Variants in PRKAG2 observed in about 807,000 individuals in gnomAD.
PRKAG2 encodes the protein protein kinase AMP-activated non-catalytic subunit gamma 2.
PRKAG2 carries 26 observed loss-of-function variants against 69.6 expected under a neutral mutation model. The observed-to-expected ratio is 0.37, with a 90% CI of 0.27 to 0.52. The LOEUF (loss-of-function observed/expected upper bound fraction) is 0.52. PRKAG2 is among the 20% of genes least tolerant of loss of function. PRKAG2 has a pLI of 0.90. For synonymous variants in PRKAG2, 293 were observed against 285.0 expected (o/e 1.03, Z -0.28); for missense variants, 557 against 740.0 (o/e 0.75, Z 2.87).
At position 151,638,790 on chromosome 7, in the gene PRKAG2, G is replaced by A. The variant is rs1004599368; in HGVS notation, c.685-6652C>T. Among the ~76,000 whole-genome samples, 3 of 152,126 alleles carry A rather than the reference G, an allele frequency of 2.0e-5. No individual in the cohort carries two copies. The highest frequency in any genetic ancestry group is 1.9e-4 in the East Asian group (1 of 5,192). On this transcript the variant is annotated intron_variant, in intron 4 of 15. Transcript: ENST00000287878. This position sits in a 1 kb window ranked among gnomAD's most constrained non-coding sequence, Gnocchi z 4.3. Reference sequence around the variant, plus strand: ...AAGCACTCCTTTACGCACAGAGGTCGGATATGAGTTTGCTCTGCCTCTTAA... The same window carrying A: ...AAGCACTCCTTTACGCACAGAGGTCAGATATGAGTTTGCTCTGCCTCTTAA...
At chr7:151,857,620 T>C (rs1310255494) in intron 1 of PRKAG2, among the ~76,000 whole-genome samples, 1 of 152,198 alleles carries the variant, frequency 6.6e-6, no homozygotes, top group Non-Finnish European at 1.5e-5. Flanking sequence ...GCCTCTGCTG[T>C]GCAGATTTTC....
chr7:151,640,568 C>T (rs1482390206), intron 4 of PRKAG2, among the ~76,000 whole-genome samples: 13 of 152,110 alleles, frequency 8.5e-5, no homozygotes, highest in South Asian at 2.1e-4. Flanking sequence ...TTTCCTTGGC[C>T]AGTTCTTACT....
chr7:151,834,653 G>A (rs79459893), intron 1 of PRKAG2, among the ~76,000 whole-genome samples: 34,785 of 152,110 alleles, frequency 0.23, 4,434 homozygotes, highest in Middle Eastern at 0.33. Flanking sequence ...ATCTGGGGTC[G>A]GAAGGGACCC....
At position 151,568,699 on chromosome 7, in the gene PRKAG2, C is replaced by A. The variant is rs372612064; in HGVS notation, c.1233+17G>T. The A allele has an allele frequency of 8.1e-6, 13 of 1,612,420 alleles. No individual in the cohort carries two copies. The highest frequency in any genetic ancestry group is 4.0e-5 in the African/African-American group (3 of 74,886). On this transcript the variant is annotated intron_variant, in intron 11 of 15. Coordinates refer to ENST00000287878, the MANE Select transcript of PRKAG2 (RefSeq NM_016203.4). The stretch of plus-strand genomic sequence containing the variant: ...GTAAATGCAATTATGTCTTTAGAAA[C>A]GCTAAAAACTACTTACAAAAAGCTG...
chr7:151,854,259 T>TATCTACATGCATGC (rs2079649594), intron 1 of PRKAG2, among the ~76,000 whole-genome samples: 1 of 152,272 alleles, frequency 6.6e-6, no homozygotes, highest in African/African-American at 2.4e-5. Context: ...TATGCATCTC[T>TATCTACATGCATGC]ATCTACATGC....
At chr7:151,815,823 T>C (rs2078623995) in intron 1 of PRKAG2, among the ~76,000 whole-genome samples, 1 of 152,210 alleles carries the variant, frequency 6.6e-6, no homozygotes, top group Non-Finnish European at 1.5e-5. Flanking sequence ...GCCGTGTCCC[T>C]CATTAAATAA....
intron 3 of PRKAG2, among the ~76,000 whole-genome samples, chr7:151,773,117 A>AG (rs1428308536): frequency 6.9e-5 from 9 of 130,566 alleles, no homozygotes; most frequent in African/African-American, 2.3e-4. Context: ...AGGGAAGGGA[A>AG]GGAAGGAAAG....
chr7:151,586,957 T>G (rs539880470), intron 6 of PRKAG2, among the ~76,000 whole-genome samples: 6 of 152,288 alleles, frequency 3.9e-5, no homozygotes, highest in African/African-American at 1.2e-4. Context: ...GGTCAGGAGT[T>G]CGAGACCAGA....
At chr7:151,707,837 C>A (rs952009841) in intron 3 of PRKAG2, among the ~76,000 whole-genome samples, 1 of 152,170 alleles carries the variant, frequency 6.6e-6, no homozygotes, top group African/African-American at 2.4e-5. Context: ...GTGCCCAACT[C>A]ACCCCGGGGC....
intron 4 of PRKAG2, among the ~76,000 whole-genome samples, chr7:151,665,274 G>A (rs907832898): frequency 6.6e-6 from 1 of 152,150 alleles, no homozygotes; most frequent in Non-Finnish European, 1.5e-5. Flanking sequence ...GGGTCCCTGG[G>A]GAGACGACAG....
intron 4 of PRKAG2, among the ~76,000 whole-genome samples, chr7:151,651,332 C>T (rs1170922154): frequency 6.6e-6 from 1 of 152,168 alleles, no homozygotes; most frequent in Non-Finnish European, 1.5e-5. Context: ...TAGGGCTGGG[C>T]ACGGTGGCTC....
chr7:151,712,431 A>C (rs1301461021), intron 3 of PRKAG2, among the ~76,000 whole-genome samples: 1 of 152,184 alleles, frequency 6.6e-6, no homozygotes, highest in African/African-American at 2.4e-5. Context: ...CGAGACTGCT[A>C]ATGGTAACCA....
intron 3 of PRKAG2, among the ~76,000 whole-genome samples, chr7:151,765,688 G>A (rs912960416): frequency 2.0e-5 from 3 of 152,086 alleles, no homozygotes; most frequent in Non-Finnish European, 4.4e-5. Flanking sequence ...TCCAAGTCAG[G>A]TCACATTCTG....
At chr7:151,773,309 AT>A (rs1285342791) in intron 3 of PRKAG2, among the ~76,000 whole-genome samples, 1 of 152,150 alleles carries the variant, frequency 6.6e-6, no homozygotes, top group Non-Finnish European at 1.5e-5. Context: ...ACTTTTATCT[AT>A]TTTTTCGTAA....
chr7:151,689,567 C>T (rs369027087), intron 3 of PRKAG2, among the ~76,000 whole-genome samples: 122 of 152,288 alleles, frequency 8.0e-4, no homozygotes, highest in African/African-American at 2.6e-3. Context: ...GCGGCAGAGG[C>T]GGGGATGGGG....
chr7:151,847,247 G>A (rs938595573), intron 1 of PRKAG2, among the ~76,000 whole-genome samples: 5 of 152,318 alleles, frequency 3.3e-5, no homozygotes, highest in South Asian at 2.1e-4. Context: ...CTGTGTGGCC[G>A]AGATGGTACA....
chr7:151,740,445 T>C (rs1004605141), intron 3 of PRKAG2, among the ~76,000 whole-genome samples: 14 of 134,714 alleles, frequency 1.0e-4, no homozygotes, highest in African/African-American at 3.4e-4. Flanking sequence ...GCACCAGTCC[T>C]AGGGGGTTCC....
At chr7:151,561,674 T>C (rs1285201135) in intron 14 of PRKAG2, among the ~76,000 whole-genome samples, 1 of 152,216 alleles carries the variant, frequency 6.6e-6, no homozygotes, top group Non-Finnish European at 1.5e-5. Flanking sequence ...GGCTCACGCC[T>C]GTAATCCCAG....
chr7:151,557,152 C>T lies in PRKAG2; in HGVS notation c.*49G>A. The T allele has an allele frequency of 6.2e-7, 1 of 1,613,996 alleles. No homozygotes were observed. Among genetic ancestry groups the T allele is most frequent in the Non-Finnish European group, 8.5e-7 (1 of 1,179,924 alleles). On this transcript the variant is annotated 3_prime_UTR_variant, in exon 16 of 16. Transcript: ENST00000287878. ...AGTGTTCATGAGGCAAAACGTGACC[C>T]AGAGACTTTGTTCAAGTTCTCCTCC... is the stretch of plus-strand genomic sequence containing the variant.
Sources: gnomAD v4.1 joint callset for allele counts (sites outside exome capture counted in the v4.1 genomes callset) on GRCh38, gnomAD v4.1.1 for gene constraint, Gnocchi (gnomAD v3.1) non-coding constraint, MANE v1.5 for transcripts, NCBI Gene and HGNC (gene_info 2026-07-23, HGNC 2026-07-21) for gene names.